Variants in KCNH8 observed in about 807,000 individuals in gnomAD.
KCNH8 encodes the protein potassium voltage-gated channel subfamily H member 8, also known as voltage-gated delayed rectifier potassium channel KCNH8.
KCNH8 carries 70 observed loss-of-function variants against 103.6 expected under a neutral mutation model. The observed-to-expected ratio is 0.68, with a 90% CI of 0.56 to 0.82. The LOEUF is 0.82. Among genes scored for constraint, KCNH8 ranks in the 40% least tolerant of loss-of-function variants. The pLI, the probability that KCNH8 is intolerant of heterozygous loss-of-function variation, is 0.00. For synonymous variants in KCNH8, 498 were observed against 489.4 expected (o/e 1.02, Z -0.23); for missense variants, 1,217 against 1,329.9 (o/e 0.92, Z 1.32).
At chr3:19,314,035 A>T (rs748501313) in intron 3 of KCNH8, among the ~76,000 whole-genome samples, 1 of 151,990 alleles carries the variant, frequency 6.6e-6, no homozygotes. Flanking sequence ...AACTACCTAC[A>T]TATAAAAACC....
chr3:19,248,857 G>C (rs1372008107), intron 1 of KCNH8, among the ~76,000 whole-genome samples: 1 of 152,174 alleles, frequency 6.6e-6, no homozygotes, highest in Non-Finnish European at 1.5e-5. Context: ...TTCATTTGAA[G>C]GGGAAAGTGG....
At chr3:19,370,371 A>G (rs1325477461) in intron 5 of KCNH8, among the ~76,000 whole-genome samples, 1 of 152,138 alleles carries the variant, frequency 6.6e-6, no homozygotes, top group Non-Finnish European at 1.5e-5. Flanking sequence ...GTTGAAGGGT[A>G]ACCATTATTA....
chr3:19,490,561 C>T (rs188376703), intron 11 of KCNH8, among the ~76,000 whole-genome samples: 81 of 152,250 alleles, frequency 5.3e-4, no homozygotes, highest in Non-Finnish European at 5.6e-4. Context: ...GGTCAGGGGT[C>T]GATCTTTAAC....
chr3:19,236,690 G>T (rs532415516), intron 1 of KCNH8, among the ~76,000 whole-genome samples: 1 of 152,112 alleles, frequency 6.6e-6, no homozygotes, highest in Non-Finnish European at 1.5e-5. Flanking sequence ...TCAAGTTGCA[G>T]CCTTAGAATG....
chr3:19,231,774 TAA>T (rs2063997343), intron 1 of KCNH8, among the ~76,000 whole-genome samples: 2 of 152,198 alleles, frequency 1.3e-5, no homozygotes, highest in South Asian at 4.1e-4. Context: ...CTTGAAGTAA[TAA>T]GTGTTTGGGG....
intron 5 of KCNH8, among the ~76,000 whole-genome samples, chr3:19,384,281 A>G (rs1373118262): frequency 2.6e-5 from 4 of 152,208 alleles, no homozygotes; most frequent in African/African-American, 9.6e-5. Context: ...ATGAAATCCC[A>G]TGGTTACCAG....
intron 1 of KCNH8, among the ~76,000 whole-genome samples, chr3:19,174,957 G>C (rs1035915705): frequency 2.0e-5 from 3 of 152,038 alleles, no homozygotes; most frequent in African/African-American, 7.2e-5. Context: ...TAATAATTTT[G>C]TTTTATTATG....
Position 19,534,275 on chromosome 3 carries a change from A to AGAT in KCNH8, c.*177_*179dup. ...CTCCATGCTGTAGCAAACAATTTCT[A>AGAT]GATACTAGAAGCATAATAGAAACAT... On this transcript the variant is annotated 3_prime_UTR_variant, in exon 16 of 16. Transcript: ENST00000328405. 2 of 598,810 alleles carry AGAT rather than the reference A, an allele frequency of 3.3e-6. No individual in the cohort carries two copies. Among genetic ancestry groups the AGAT allele is most frequent in the South Asian group, 4.2e-5 (2 of 47,352 alleles). The allele number at this position is 598,810 out of a possible 1,614,324, so 37.1% of individuals were successfully genotyped here.
chr3:19,406,967 T>C (rs2066701267), intron 7 of KCNH8, among the ~76,000 whole-genome samples: 1 of 152,192 alleles, frequency 6.6e-6, no homozygotes, highest in Admixed American at 6.5e-5. Flanking sequence ...CAACAGCTCT[T>C]TTAGTAGAAT....
At chr3:19,454,926 AGATT>A (rs1381145516) in intron 10 of KCNH8, among the ~76,000 whole-genome samples, 19 of 152,308 alleles carry the variant, frequency 1.2e-4, no homozygotes, top group African/African-American at 4.3e-4. Context: ...ACTTCAATAA[AGATT>A]GATTATTTTA....
At chr3:19,333,653 A>G (rs1444161120) in intron 3 of KCNH8, among the ~76,000 whole-genome samples, 4 of 152,216 alleles carry the variant, frequency 2.6e-5, no homozygotes, top group Admixed American at 2.6e-4. Flanking sequence ...GATAAAATAT[A>G]CAATCCATAT....
chr3:19,296,574 C>G (rs2064999229), intron 3 of KCNH8, among the ~76,000 whole-genome samples: 1 of 152,126 alleles, frequency 6.6e-6, no homozygotes, highest in South Asian at 2.1e-4. Flanking sequence ...GTAATTTAGG[C>G]TAAAGTGTGA....
At chr3:19,432,690 G>C (rs2067140682) in intron 7 of KCNH8, among the ~76,000 whole-genome samples, 1 of 152,114 alleles carries the variant, frequency 6.6e-6, no homozygotes, top group Non-Finnish European at 1.5e-5. Context: ...AGAAACACTA[G>C]AGCAACTACC....
Position 19,148,755 on chromosome 3 carries a change from C to T in KCNH8, c.36C>T (p.Asn12=), listed in dbSNP as rs757579227. 13 of 1,614,072 alleles carry T rather than the reference C, an allele frequency of 8.1e-6. No homozygotes were observed. The highest frequency in any genetic ancestry group is 3.3e-5 in the Admixed American group (2 of 60,000). The change falls in exon 1 of 16, where the codon AAC becomes AAT. Residue 12 remains asparagine (N), a synonymous_variant. Transcript: ENST00000328405. ...TGAAAGGATTACTGGCGCCGCAAAA[C>T]ACCTTCCTGGACACCATCGCCACCC... ...PVMKGLLAPQ[N]TFLDTIATRF...
intron 15 of KCNH8, among the ~76,000 whole-genome samples, chr3:19,527,850 G>C (rs992764245): frequency 1.3e-5 from 2 of 152,090 alleles, no homozygotes; most frequent in Non-Finnish European, 2.9e-5. Context: ...ATGATGCTGG[G>C]AGAATAGACA....
At chr3:19,374,451 C>A (rs942750230) in intron 5 of KCNH8, among the ~76,000 whole-genome samples, 7 of 151,318 alleles carry the variant, frequency 4.6e-5, no homozygotes, top group African/African-American at 1.7e-4. Context: ...TTTTTGTTTT[C>A]CATTTGCTTG....
At chr3:19,528,213 A>G (rs2069099106) in intron 15 of KCNH8, among the ~76,000 whole-genome samples, 1 of 152,130 alleles carries the variant, frequency 6.6e-6, no homozygotes, top group African/African-American at 2.4e-5. Flanking sequence ...TAGAATCTGA[A>G]GAAATAGCTA....
At chr3:19,268,703 A>C (rs981271773) in intron 2 of KCNH8, among the ~76,000 whole-genome samples, 9 of 152,114 alleles carry the variant, frequency 5.9e-5, no homozygotes, top group Non-Finnish European at 1.2e-4. Flanking sequence ...CAGCATCAGC[A>C]TACCCTGGGA....
chr3:19,233,684 A>G (rs969185847), intron 1 of KCNH8, among the ~76,000 whole-genome samples: 1 of 151,898 alleles, frequency 6.6e-6, no homozygotes, highest in African/African-American at 2.4e-5. Flanking sequence ...TTCTCTGGGT[A>G]CTCTGGTTTC....
Sources: allele counts gnomAD v4.1 joint callset (sites outside exome capture counted in the v4.1 genomes callset), GRCh38; gene constraint gnomAD v4.1.1; transcripts MANE v1.5; gene names NCBI Gene and HGNC (gene_info 2026-07-23, HGNC 2026-07-21).